Variants in SLC24A3 observed in about 807,000 individuals in gnomAD.
SLC24A3 encodes the protein solute carrier family 24 member 3, also known as sodium/potassium/calcium exchanger 3.
In SLC24A3, 28 loss-of-function variants were observed where a neutral mutation model predicts 75.8. The ratio of observed to expected loss-of-function variants is 0.37; its 90% CI spans 0.27 to 0.51. The LOEUF (loss-of-function observed/expected upper bound fraction) is 0.51, where lower values mean the gene tolerates loss of function less well. SLC24A3 is among the 20% of genes least tolerant of loss of function. SLC24A3 has a pLI of 0.94. For synonymous variants in SLC24A3, 372 were observed against 334.1 expected (o/e 1.11, Z -1.24); for missense variants, 663 against 847.8 (o/e 0.78, Z 2.71).
At chr20:19,244,040 C>T (rs762064692) in intron 1 of SLC24A3, 8 of 152,110 alleles carry the variant, frequency 5.3e-5, no homozygotes, top group Non-Finnish European at 7.3e-5. Flanking sequence ...CCCTTTTAAA[C>T]GTATTCTGTC....
intron 6 of SLC24A3, among the ~76,000 whole-genome samples, chr20:19,592,628 G>A (rs1171578022): frequency 6.6e-6 from 1 of 152,042 alleles, no homozygotes; most frequent in African/African-American, 2.4e-5. Flanking sequence ...CTCGTGGCCA[G>A]GGGTGAGGAC....
intron 3 of SLC24A3, among the ~76,000 whole-genome samples, chr20:19,569,938 A>G (rs1357621969): frequency 6.6e-6 from 1 of 152,188 alleles, no homozygotes; most frequent in Non-Finnish European, 1.5e-5. Flanking sequence ...TCTTTGGTCA[A>G]ACCCTTTTGA....
At chr20:19,256,414 G>C (rs907363637) in intron 1 of SLC24A3, among the ~76,000 whole-genome samples, 1 of 152,050 alleles carries the variant, frequency 6.6e-6, no homozygotes, top group African/African-American at 2.4e-5. Flanking sequence ...TGATGGTGAT[G>C]GTTACACAAC....
intron 7 of SLC24A3, among the ~76,000 whole-genome samples, chr20:19,664,446 G>A (rs2032374474): frequency 6.6e-6 from 1 of 152,214 alleles, no homozygotes; most frequent in East Asian, 1.9e-4. Context: ...CATTTCCAAT[G>A]GCTTGTTGGG....
At chr20:19,491,786 G>C (rs1307054032) in intron 2 of SLC24A3, among the ~76,000 whole-genome samples, 1 of 152,192 alleles carries the variant, frequency 6.6e-6, no homozygotes, top group Non-Finnish European at 1.5e-5. Context: ...TGTCTCCCCA[G>C]TCAAAACACT....
chr20:19,347,236 C>T (rs561649257), intron 2 of SLC24A3, among the ~76,000 whole-genome samples: 1 of 152,242 alleles, frequency 6.6e-6, no homozygotes, highest in East Asian at 1.9e-4. Flanking sequence ...GGAGGGATAA[C>T]TAGGTGGAGT....
Position 19,215,920 on chromosome 20 carries a change from G to A in SLC24A3, c.142+2936G>A, listed in dbSNP as rs141265423. Among the ~76,000 whole-genome samples, 5 of 152,276 alleles carry A rather than the reference G, an allele frequency of 3.3e-5. No homozygotes were observed. The East Asian group carries it at 5.8e-4, about 18-fold the overall frequency. On this transcript the variant is annotated intron_variant, in intron 1 of 16. Transcript: ENST00000328041. ...GTAACATGAGGTCTGCTTAATTTAG[G>A]TCAGGAAGAATTAGTGCTGGAATCA...
At chr20:19,312,865 G>A (rs1047088818) in intron 2 of SLC24A3, among the ~76,000 whole-genome samples, 5 of 152,020 alleles carry the variant, frequency 3.3e-5, no homozygotes, top group Non-Finnish European at 7.4e-5. Context: ...TGGCAGCCTG[G>A]GTATTGGTAG....
intron 2 of SLC24A3, among the ~76,000 whole-genome samples, chr20:19,381,996 A>G (rs999418773): frequency 5.9e-5 from 9 of 152,214 alleles, no homozygotes; most frequent in Admixed American, 1.3e-4. Flanking sequence ...CTCAAATGGC[A>G]TTTGAAATGT....
At chr20:19,514,996 C>T (rs1042430204) in intron 2 of SLC24A3, among the ~76,000 whole-genome samples, 8 of 152,176 alleles carry the variant, frequency 5.3e-5, no homozygotes, top group Non-Finnish European at 1.2e-4. Flanking sequence ...GCCACAGACC[C>T]TTTTGGTGAT....
intron 2 of SLC24A3, among the ~76,000 whole-genome samples, chr20:19,510,137 A>C (rs984443321): frequency 6.6e-6 from 1 of 152,236 alleles, no homozygotes; most frequent in Non-Finnish European, 1.5e-5. Context: ...TGGGTCTCTA[A>C]GATAGGATTC....
chr20:19,450,745 T>C lies in SLC24A3; in HGVS notation c.272-64743T>C, dbSNP rs145677015. On this transcript the variant is annotated intron_variant, in intron 2 of 16. Transcript: ENST00000328041. ...TGGGTTCGATGGCTCACACCTGTAA[T>C]CCCAGCACTTTGGGAGGTCGAGATG... 6.9e-3 allele frequency among the ~76,000 whole-genome samples: 1,050 copies of C among 152,226 alleles called. 11 individuals are homozygous for C. The highest frequency in any genetic ancestry group is 0.024 in the African/African-American group (983 of 41,532).
chr20:19,431,721 C>CAAA (rs5840841), intron 2 of SLC24A3, among the ~76,000 whole-genome samples: 2,306 of 148,036 alleles, frequency 0.016, 67 homozygotes, highest in African/African-American at 0.054. Context: ...AGATTCACTT[C>CAAA]AAAAAAAAAA....
chr20:19,717,843 A>G (rs928252856), intron 16 of SLC24A3, among the ~76,000 whole-genome samples: 8 of 152,196 alleles, frequency 5.3e-5, no homozygotes, highest in Non-Finnish European at 1.0e-4. Flanking sequence ...CATTTTCCCA[A>G]ACACAAAGAG....
chr20:19,615,053 AG>A (rs552693902), intron 6 of SLC24A3, among the ~76,000 whole-genome samples: 17 of 94,694 alleles, frequency 1.8e-4, no homozygotes, highest in Non-Finnish European at 3.3e-4. Context: ...ATCCTTAAAC[AG>A]ATCTGTAAGG....
In SLC24A3 at chr20:19,585,064, C is replaced by T. The variant is rs1249362222; in HGVS notation, c.508+9C>T. The T allele has an allele frequency of 6.2e-7, 1 of 1,608,142 alleles. No homozygotes were observed. The highest frequency in any genetic ancestry group is 1.7e-5 in the Admixed American group (1 of 59,912). On this transcript the variant is annotated intron_variant, in intron 5 of 16. Transcript: ENST00000328041. Reference sequence around the variant, plus strand: ...GTTCACATCGGTCATAGGTAGGTGACAGACTGAGGGACATCTCAGACCTTC... The same window carrying T: ...GTTCACATCGGTCATAGGTAGGTGATAGACTGAGGGACATCTCAGACCTTC...
At chr20:19,425,365 C>CG (rs1986989277) in intron 2 of SLC24A3, among the ~76,000 whole-genome samples, 1 of 152,182 alleles carries the variant, frequency 6.6e-6, no homozygotes, top group Non-Finnish European at 1.5e-5. Context: ...GACCAGCCCC[C>CG]GGCCTTTTTG....
At chr20:19,652,563 T>C (rs1172709162) in intron 6 of SLC24A3, among the ~76,000 whole-genome samples, 1 of 152,220 alleles carries the variant, frequency 6.6e-6, no homozygotes, top group Non-Finnish European at 1.5e-5. Context: ...TTGACAACCC[T>C]GTCATGTGTG....
At chr20:19,524,521 T>G (rs2030161710) in intron 3 of SLC24A3, among the ~76,000 whole-genome samples, 1 of 152,186 alleles carries the variant, frequency 6.6e-6, no homozygotes, top group Non-Finnish European at 1.5e-5. Context: ...GTGTTTTAGC[T>G]CATCCCTGCC....
Sources: gnomAD v4.1 joint callset for allele counts (sites outside exome capture counted in the v4.1 genomes callset) on GRCh38, gnomAD v4.1.1 for gene constraint, MANE v1.5 for transcripts, NCBI Gene and HGNC (gene_info 2026-07-23, HGNC 2026-07-21) for gene names.